MTMR3: variants seen among roughly 807,000 people sequenced by gnomAD.
The protein encoded by MTMR3 is phosphatidylinositol-3,5-bisphosphate 3-phosphatase MTMR3.
Under a neutral mutation model 132.4 loss-of-function variants are expected in MTMR3, and 32 were observed. That is an observed-to-expected ratio of 0.24 (90% confidence interval 0.18 to 0.32). MTMR3 has a LOEUF of 0.32. MTMR3 is among the 10% of genes least tolerant of loss of function. The pLI, the probability that MTMR3 is intolerant of heterozygous loss-of-function variation, is 1.00. For missense variants in MTMR3, 1,216 were observed against 1,489.6 expected (o/e 0.82, Z 3.02); for synonymous variants, 556 against 550.3 (o/e 1.01, Z -0.14).
intron 1 of MTMR3, among the ~76,000 whole-genome samples, chr22:29,902,468 C>T (rs1210431548): frequency 3.5e-5 from 5 of 142,668 alleles, no homozygotes; most frequent in South Asian, 2.2e-4. Flanking sequence ...AGTGCAGTGG[C>T]GCGATCTCCT....
At chr22:29,898,881 G>A (rs1390116774) in intron 1 of MTMR3, among the ~76,000 whole-genome samples, 1 of 148,452 alleles carries the variant, frequency 6.7e-6, no homozygotes, top group Non-Finnish European at 1.5e-5. Flanking sequence ...CGAACCTTTG[G>A]GTAAAGAAAA....
intron 1 of MTMR3, among the ~76,000 whole-genome samples, chr22:29,898,934 AG>A (rs1321492820): frequency 2.0e-5 from 3 of 148,322 alleles, no homozygotes; most frequent in Admixed American, 6.8e-5. Context: ...TTTTAATGAA[AG>A]TAAGTAGTAG....
chr22:29,888,874 A>T (rs1177811800), intron 1 of MTMR3, among the ~76,000 whole-genome samples: 4 of 150,398 alleles, frequency 2.7e-5, no homozygotes, highest in Non-Finnish European at 5.9e-5. Context: ...CCTGGGTTCA[A>T]GTGATTCTCC....
At chr22:30,012,217 G>A (rs1569049090) in intron 12 of MTMR3, 151 bp from the exon 13 acceptor site, 3 of 757,462 alleles carry the variant, frequency 4.0e-6, no homozygotes, top group East Asian at 5.4e-5. Flanking sequence ...CCTGAGACAT[G>A]CTTTATAAAC....
At chr22:29,945,540 A>AT (rs1407068665) in intron 1 of MTMR3, among the ~76,000 whole-genome samples, 1 of 149,006 alleles carries the variant, frequency 6.7e-6, no homozygotes, top group Non-Finnish European at 1.5e-5. Flanking sequence ...TCTATAAAAA[A>AT]TTAAAAAAAA....
chr22:29,993,329 T>A (rs1488213876), intron 7 of MTMR3: 1 of 152,242 alleles, frequency 6.6e-6, no homozygotes, highest in Non-Finnish European at 1.5e-5. Flanking sequence ...TTTTCAAATT[T>A]GGGGGTTTTT....
chr22:29,949,135 ACACACACACCCCCCCC>A (rs1306478235), intron 1 of MTMR3, among the ~76,000 whole-genome samples: 23 of 31,240 alleles, frequency 7.4e-4, no homozygotes, highest in Non-Finnish European at 9.6e-4. Flanking sequence ...ACACACACAC[ACACACACACCCCCCCC>A]CCCCCCCCCG....
intron 1 of MTMR3, among the ~76,000 whole-genome samples, chr22:29,955,110 C>T (rs1397449620): frequency 6.6e-6 from 1 of 152,176 alleles, no homozygotes; most frequent in African/African-American, 2.4e-5. Flanking sequence ...CCATCTCAGC[C>T]TTCTGAGTAG....
intron 1 of MTMR3, among the ~76,000 whole-genome samples, chr22:29,897,243 A>G (rs2064919649): frequency 6.6e-6 from 1 of 151,636 alleles, no homozygotes; most frequent in Admixed American, 6.6e-5. Context: ...TGCCCAGCTA[A>G]TTTTTGTATT....
At chr22:29,987,845 T>G (rs1862140883) in intron 5 of MTMR3, 1 of 152,234 alleles carries the variant, frequency 6.6e-6, no homozygotes, top group Non-Finnish European at 1.5e-5. Context: ...TATTATAGCT[T>G]TAGCATCCTT....
At chr22:29,931,013 G>GAA (rs963131752) in intron 1 of MTMR3, among the ~76,000 whole-genome samples, 31 of 71,718 alleles carry the variant, frequency 4.3e-4, no homozygotes, top group East Asian at 9.2e-4. Flanking sequence ...TGTCTCAAAA[G>GAA]AAAAAAAAAA....
At chr22:30,015,402 T>C (rs1415842089) in intron 14 of MTMR3, 1 of 151,998 alleles carries the variant, frequency 6.6e-6, no homozygotes, top group Non-Finnish European at 1.5e-5. Flanking sequence ...CTATAAAACT[T>C]GATCTTCCAG....
intron 2 of MTMR3, among the ~76,000 whole-genome samples, chr22:29,965,437 C>T (rs1422483703): frequency 6.6e-6 from 1 of 152,130 alleles, no homozygotes; most frequent in Non-Finnish European, 1.5e-5. Context: ...GTGGCTCACA[C>T]ACTTTGGGAG....
intron 7 of MTMR3, chr22:29,992,165 C>T (rs1260929479): frequency 6.6e-6 from 1 of 152,644 alleles, no homozygotes; most frequent in African/African-American, 2.4e-5. Flanking sequence ...ACTGCAACCT[C>T]CGCCTCTTGG....
At position 29,893,628 on chromosome 22, in the gene MTMR3, C is replaced by T. The variant is rs569176546; in HGVS notation, c.-138+10269C>T. On this transcript the variant is annotated intron_variant, in intron 1 of 19. Coordinates refer to ENST00000401950, the MANE Select transcript of MTMR3 (RefSeq NM_021090.4). ...TTCCAAAGAACTAGTATGCTACTTCCCGCTTGTTCTGCAGTATTTAAAATC... is the reference window on the plus strand; with the variant it reads ...TTCCAAAGAACTAGTATGCTACTTCTCGCTTGTTCTGCAGTATTTAAAATC... Among the ~76,000 whole-genome samples the T allele has an allele frequency of 7.2e-5, 11 of 152,080 alleles. No individual in the cohort carries two copies. The South Asian group carries it at 1.7e-3, about 23-fold the overall frequency.
intron 1 of MTMR3, among the ~76,000 whole-genome samples, chr22:29,945,466 G>A (rs1448345285): frequency 6.6e-6 from 1 of 152,038 alleles, no homozygotes; most frequent in African/African-American, 2.4e-5. Context: ...ACTTTGAGAG[G>A]CCAAGGTGGG....
At chr22:30,008,846 G>A (rs112916175) in intron 11 of MTMR3, 172 bp from the exon 12 acceptor site, 51 of 489,186 alleles carry the variant, frequency 1.0e-4, no homozygotes, top group African/African-American at 8.9e-4. Flanking sequence ...AAAATTCAGT[G>A]TGTTCCTCTT....
At chr22:29,965,784 G>A (rs190799803) in intron 2 of MTMR3, among the ~76,000 whole-genome samples, 1 of 152,158 alleles carries the variant, frequency 6.6e-6, no homozygotes, top group East Asian at 1.9e-4. Context: ...TTTGTAATTG[G>A]AATTTGATTT....
intron 5 of MTMR3, chr22:29,987,239 T>A (rs2066877116): frequency 6.6e-6 from 1 of 152,298 alleles, no homozygotes; most frequent in East Asian, 1.9e-4. Context: ...ACTGGGCTTC[T>A]TTTTGATCCC....
Sources: gnomAD v4.1 joint callset for allele counts (sites outside exome capture counted in the v4.1 genomes callset) on GRCh38, gnomAD v4.1.1 for gene constraint, MANE v1.5 for transcripts, NCBI Gene and HGNC (gene_info 2026-07-23, HGNC 2026-07-21) for gene names.